ACTR3C: variants seen among roughly 807,000 people sequenced by gnomAD.
ACTR3C encodes the protein actin related protein 3C.
ACTR3C carries 18 observed loss-of-function variants against 26.3 expected under a neutral mutation model. The ratio of observed to expected loss-of-function variants is 0.68; its 90% CI spans 0.47 to 1.01. ACTR3C has a LOEUF of 1.01. ACTR3C is among the 50% of genes least tolerant of loss of function. The pLI, the probability that ACTR3C is intolerant of heterozygous loss-of-function variation, is 0.00. For synonymous variants in ACTR3C, 55 were observed against 94.5 expected (o/e 0.58, Z 2.42); for missense variants, 184 against 250.7 (o/e 0.73, Z 1.80).
the ACTR3C span, among the ~76,000 whole-genome samples, chr7:149,990,526 G>A: frequency 4.0e-5 from 5 of 123,894 alleles, no homozygotes; most frequent in Non-Finnish European, 6.7e-5. Flanking sequence ...AGGATATAAC[G>A]CCTGGCCTAG....
chr7:150,173,851 G>T, the ACTR3C span, among the ~76,000 whole-genome samples: 1 of 148,720 alleles, frequency 6.7e-6, no homozygotes, highest in African/African-American at 2.6e-5. Flanking sequence ...CCCTAGGGCA[G>T]GGGCAAAATG....
At chr7:149,987,451 CA>C in the ACTR3C span, among the ~76,000 whole-genome samples, 1 of 146,792 alleles carries the variant, frequency 6.8e-6, no homozygotes, top group Admixed American at 6.9e-5. Flanking sequence ...CCCATAATCC[CA>C]GCTACTCAGG....
At chr7:150,004,035 T>G in the ACTR3C span, among the ~76,000 whole-genome samples, 2 of 151,994 alleles carry the variant, frequency 1.3e-5, no homozygotes, top group Non-Finnish European at 2.9e-5. Flanking sequence ...TTGATGTGTG[T>G]GTATGGTGTG....
chr7:150,214,493 A>T, the ACTR3C span, among the ~76,000 whole-genome samples: 3 of 152,012 alleles, frequency 2.0e-5, no homozygotes, highest in Admixed American at 1.3e-4. Flanking sequence ...AAATGTGAAG[A>T]TGGAACCACA....
chr7:150,198,425 A>G, the ACTR3C span, among the ~76,000 whole-genome samples: 3 of 139,102 alleles, frequency 2.2e-5, 1 homozygote, highest in African/African-American at 8.5e-5. Flanking sequence ...CCGCCATCAC[A>G]TCTAGGAAGT....
the ACTR3C span, among the ~76,000 whole-genome samples, chr7:149,990,018 C>T: frequency 9.2e-5 from 14 of 152,100 alleles, no homozygotes; most frequent in African/African-American, 2.4e-5. Flanking sequence ...GGCGTCAGTG[C>T]GTTGCTCCTT....
At chr7:150,259,463 T>G (rs1293364016) in intron 6 of ACTR3C, among the ~76,000 whole-genome samples, 1 of 152,214 alleles carries the variant, frequency 6.6e-6, no homozygotes, top group Non-Finnish European at 1.5e-5. Context: ...TCTGTTAGCT[T>G]GTTTTCTTTA....
At chr7:150,045,256 A>G in the ACTR3C span, among the ~76,000 whole-genome samples, 3 of 152,156 alleles carry the variant, frequency 2.0e-5, no homozygotes, top group Non-Finnish European at 4.4e-5. Context: ...TTGTTCCTGG[A>G]GGAAAAGTGG....
chr7:150,131,762 A>C, the ACTR3C span, among the ~76,000 whole-genome samples: 1 of 152,224 alleles, frequency 6.6e-6, no homozygotes, highest in Non-Finnish European at 1.5e-5. Flanking sequence ...GTACACAAAT[A>C]TTCATAGTAG....
At chr7:150,250,206 T>A (rs966894375) in intron 6 of ACTR3C, among the ~76,000 whole-genome samples, 1 of 138,644 alleles carries the variant, frequency 7.2e-6, no homozygotes, top group African/African-American at 3.3e-5. Flanking sequence ...ATCTGACTTT[T>A]TTTTTTTTTT....
the ACTR3C span, among the ~76,000 whole-genome samples, chr7:149,998,562 C>A: frequency 6.7e-6 from 1 of 149,396 alleles, no homozygotes; most frequent in African/African-American, 2.5e-5. Context: ...AAGTGCTGAG[C>A]AAAAGGGGAA....
chr7:149,982,139 A>G, the ACTR3C span, among the ~76,000 whole-genome samples: 1 of 152,162 alleles, frequency 6.6e-6, no homozygotes, highest in Admixed American at 6.5e-5. Flanking sequence ...TGATCGGTTG[A>G]CTGAGGTGGA....
the ACTR3C span, among the ~76,000 whole-genome samples, chr7:150,134,951 C>T: frequency 0.025 from 3,835 of 152,294 alleles, 141 homozygotes; most frequent in African/African-American, 0.087. Flanking sequence ...TCCAGGTTAA[C>T]AGAGCAGCTA....
the ACTR3C span, chr7:150,002,633 T>C: frequency 6.6e-6 from 1 of 152,234 alleles, no homozygotes; most frequent in South Asian, 2.1e-4. Context: ...ATGAAGCGAA[T>C]GGCCCATTCC....
At chr7:150,223,935 A>C in the ACTR3C span, among the ~76,000 whole-genome samples, 1 of 152,188 alleles carries the variant, frequency 6.6e-6, no homozygotes, top group African/African-American at 2.4e-5. Flanking sequence ...GTCTCTTGGC[A>C]GAATTCAGTT....
At chr7:149,882,540 C>T in the ACTR3C span, among the ~76,000 whole-genome samples, 9 of 152,222 alleles carry the variant, frequency 5.9e-5, no homozygotes, top group East Asian at 1.9e-4. Context: ...AGGAGAGGGT[C>T]CCAGAGCTCA....
chr7:150,137,670 A>G, the ACTR3C span, among the ~76,000 whole-genome samples: 1 of 152,218 alleles, frequency 6.6e-6, no homozygotes, highest in East Asian at 1.9e-4. Context: ...CGTTTAGAGA[A>G]TACAAATGAA....
the ACTR3C span, among the ~76,000 whole-genome samples, chr7:150,123,362 T>G: frequency 6.6e-6 from 1 of 152,018 alleles, no homozygotes; most frequent in Non-Finnish European, 1.5e-5. Context: ...GCTGTTATAA[T>G]AAATGTGATA....
At chr7:150,023,923 G>A in the ACTR3C span, among the ~76,000 whole-genome samples, 1 of 119,718 alleles carries the variant, frequency 8.4e-6, no homozygotes, top group African/African-American at 2.8e-5. Flanking sequence ...GCCATGGAGA[G>A]GAGCAAAGGA....
Sources: allele counts gnomAD v4.1 joint callset (sites outside exome capture counted in the v4.1 genomes callset), GRCh38; gene constraint gnomAD v4.1.1; transcripts MANE v1.5; gene names NCBI Gene and HGNC (gene_info 2026-07-23, HGNC 2026-07-21).